The following OCSTAMP variants were observed in gnomAD, a reference collection of about 807,000 sequenced individuals.
OCSTAMP encodes the protein transmembrane protein C20orf123.
OCSTAMP carries 17 observed loss-of-function variants against 25.2 expected under a neutral mutation model. The ratio of observed to expected loss-of-function variants is 0.68; its 90% confidence interval spans 0.46 to 1.01. The LOEUF (loss-of-function observed/expected upper bound fraction) is 1.01. OCSTAMP is among the 50% of genes least tolerant of loss of function. OCSTAMP has a pLI of 0.00. For synonymous variants in OCSTAMP, 345 were observed against 318.9 expected, an observed-to-expected ratio of 1.08 and a Z score of -0.87; for missense variants, 664 against 694.6, an observed-to-expected ratio of 0.96 and a Z score of 0.50.
chr20:46,545,969 C>G lies in OCSTAMP; in HGVS notation c.405G>C (p.Val135=). 6.4e-7 allele frequency: 1 copy of G among 1,551,432 alleles called. No homozygotes were observed. The highest frequency in any genetic ancestry group is 8.7e-7 in the Non-Finnish European group (1 of 1,146,994). The change falls in exon 2 of 3, where the codon GTG becomes GTC. Residue 135 remains valine, a synonymous_variant. Coordinates refer to ENST00000279028, the MANE Select transcript of OCSTAMP (RefSeq NM_080721.3). ...CACCCACGTTGGCCAGGACGTTGGG[C>G]ACCACAGCAATGGCCAGGGTGGCAG... The part of the protein sequence containing the change: ...YSTATLAIAV[V]PNVLANVGAA...
At position 46,542,921 on chromosome 20, in the gene OCSTAMP, A is replaced by G. The variant is rs74820791; in HGVS notation, c.1048-994T>C. Among the ~76,000 whole-genome samples the G allele has an allele frequency of 8.4e-3, 1,287 of 152,318 alleles. 8 individuals carry two copies. Among genetic ancestry groups the G allele is most frequent in the Middle Eastern group, 0.024 (7 of 294 alleles). ...AGCAATGAGTGGGCCTGTACAATTTATGCTTTCCCAGAGGATCAGAGAGTG... is the reference window on the plus strand; with the variant it reads ...AGCAATGAGTGGGCCTGTACAATTTGTGCTTTCCCAGAGGATCAGAGAGTG... On this transcript the variant is annotated intron_variant, in intron 2 of 2. Coordinates refer to ENST00000279028, the MANE Select transcript of OCSTAMP (RefSeq NM_080721.3).
chr20:46,542,068 A>G, intron 2 of OCSTAMP, 141 bp from the exon 3 acceptor site: 6 of 1,225,788 alleles, frequency 4.9e-6, no homozygotes, highest in Non-Finnish European at 6.3e-6. Context: ...TTTGAGGAGG[A>G]CCCAATGAGA....
At chr20:46,546,772 C>T (rs541827674) in intron 1 of OCSTAMP, among the ~76,000 whole-genome samples, 3 of 152,110 alleles carry the variant, frequency 2.0e-5, no homozygotes, top group Admixed American at 6.5e-5. Flanking sequence ...TGATTCTGGA[C>T]CTTCTATTCT....
At chr20:46,543,305 C>CTTTCTTTCTTTCTTTCTTT (rs1555872068) in intron 2 of OCSTAMP, among the ~76,000 whole-genome samples, 1 of 128,376 alleles carries the variant, frequency 7.8e-6, no homozygotes. Context: ...CTTTCTCTTT[C>CTTTCTTTCTTTCTTTCTTT]CTTTCTTTCT....
intron 2 of OCSTAMP, 62 bp from the exon 3 acceptor site, chr20:46,541,989 G>C: frequency 7.2e-7 from 1 of 1,384,108 alleles, no homozygotes; most frequent in South Asian, 1.9e-5. Flanking sequence ...CCCACCTCTA[G>C]GAGAGGCTTG....
chr20:46,546,773 C>G (rs1000356828), intron 1 of OCSTAMP, among the ~76,000 whole-genome samples: 2 of 152,076 alleles, frequency 1.3e-5, no homozygotes, highest in African/African-American at 2.4e-5. Flanking sequence ...GATTCTGGAC[C>G]TTCTATTCTT....
Position 46,549,808 on chromosome 20 carries a change from C to CTGTGTGTGTG in OCSTAMP, c.44+699_44+708dup, listed in dbSNP as rs3971980. On this transcript the variant is annotated intron_variant, in intron 1 of 2. Transcript: ENST00000279028. ...CAAATGTGCCTTATTGTGGCCCACT[C>CTGTGTGTGTG]TGTGTGTGTGTGTGTGTGTGTAAGC... Among the ~76,000 whole-genome samples, 649 of 149,260 alleles carry CTGTGTGTGTG rather than the reference C, an allele frequency of 4.3e-3. 19 individuals carry two copies. In the East Asian group the frequency reaches 0.068, roughly 16 times the overall value.
intron 2 of OCSTAMP, among the ~76,000 whole-genome samples, chr20:46,543,659 C>T (rs186609127): frequency 3.9e-5 from 6 of 151,936 alleles, no homozygotes; most frequent in East Asian, 1.9e-4. Flanking sequence ...TTTATGTATA[C>T]GCGAGAAAGA....
At position 46,541,633 on chromosome 20, in the gene OCSTAMP, G is replaced by A. The variant is rs962769062; in HGVS notation, c.1342C>T (p.Arg448Trp). Residue 448 changes from arginine (R) to tryptophan (W), a missense_variant, in exon 3 of 3, where the codon CGG becomes TGG. Physicochemically the swap from Arg to Trp is moderately radical, Grantham distance 101 (BLOSUM62 -3). Coordinates refer to ENST00000279028, the MANE Select transcript of OCSTAMP (RefSeq NM_080721.3). ...TGCCTGTCGTGTCTTCGCTGGAGCC[G>A]GGCGTGCAGGTGGCGGACCCTCCTC... is the stretch of plus-strand genomic sequence containing the variant. ...EARRVRHLHARLQRRHDRHQG... is the reference protein window; with the variant it reads ...EARRVRHLHAWLQRRHDRHQG... 56 of 1,551,162 alleles carry A rather than the reference G, an allele frequency of 3.6e-5. No homozygotes were observed. In the African/African-American group the frequency reaches 7.1e-4, roughly 20 times the overall value.
chr20:46,547,562 T>A (rs891956782), intron 1 of OCSTAMP, among the ~76,000 whole-genome samples: 1 of 151,476 alleles, frequency 6.6e-6, no homozygotes, highest in African/African-American at 2.4e-5. Flanking sequence ...GAGAAAGGAG[T>A]GATCAAGTAC....
chr20:46,545,278 C>A, intron 2 of OCSTAMP, 49 bp downstream of exon 2: 1 of 1,424,436 alleles, frequency 7.0e-7, no homozygotes, highest in Non-Finnish European at 9.2e-7. Flanking sequence ...GATTCTCCCC[C>A]TGCCCTCAAA....
At chr20:46,547,429 G>A (rs2061856574) in intron 1 of OCSTAMP, among the ~76,000 whole-genome samples, 1 of 152,172 alleles carries the variant, frequency 6.6e-6, no homozygotes, top group African/African-American at 2.4e-5. Flanking sequence ...GGGGAGGAAA[G>A]ACATCCAAGG....
chr20:46,550,627 G>T lies in OCSTAMP; in HGVS notation c.-67C>A. On this transcript the variant is annotated 5_prime_UTR_variant, in exon 1 of 3. Transcript: ENST00000279028. ...AGCTGTGGCAGGTGGAGAGGAAGTG[G>T]GGGAATCGCTGGGACTTGGGAATCC... 1 of 1,451,454 alleles carries T rather than the reference G, an allele frequency of 6.9e-7. No homozygotes were observed. The highest frequency in any genetic ancestry group is 1.2e-5 in the South Asian group (1 of 82,002). 89.9% of individuals were successfully genotyped at this position (1,451,454 alleles called of 1,614,324 possible). A position where few individuals can be genotyped will look rare whatever the true frequency, so the allele number is the denominator to read the frequency against.
chr20:46,541,203 C>T lies in OCSTAMP; in HGVS notation c.*71G>A. On this transcript the variant is annotated 3_prime_UTR_variant, in exon 3 of 3. Coordinates refer to ENST00000279028, the MANE Select transcript of OCSTAMP (RefSeq NM_080721.3). ...GGTGCAGATGAGATGAGCCTGATCG[C>T]CAACCAGCCTGGAGGAACCATGAGC... The T allele has an allele frequency of 1.5e-6, 1 of 670,950 alleles. No individual in the cohort carries two copies. The highest frequency in any genetic ancestry group is 2.8e-6 in the Non-Finnish European group (1 of 358,728). 41.6% of individuals were successfully genotyped at this position (670,950 alleles called of 1,614,324 possible). A position where few individuals can be genotyped will look rare whatever the true frequency, so the allele number is the denominator to read the frequency against.
At chr20:46,547,618 C>T in intron 1 of OCSTAMP, among the ~76,000 whole-genome samples, 1 of 152,166 alleles carries the variant, frequency 6.6e-6, no homozygotes, top group East Asian at 1.9e-4. Flanking sequence ...CTGAGCAATG[C>T]CTATTAGCCG....
intron 2 of OCSTAMP, among the ~76,000 whole-genome samples, chr20:46,542,182 A>G (rs1008333573): frequency 2.0e-5 from 3 of 152,216 alleles, no homozygotes; most frequent in South Asian, 2.1e-4. Flanking sequence ...CAAATTGTCT[A>G]TGGATGTTTG....
rs760699555 is a variant in OCSTAMP, at chr20:46,541,478, T to G, written c.1497A>C (p.Lys499Asn). 3 of 1,551,132 alleles carry G rather than the reference T, an allele frequency of 1.9e-6. No individual in the cohort carries two copies. The highest frequency in any genetic ancestry group is 2.6e-6 in the Non-Finnish European group (3 of 1,146,546). The part of the protein sequence containing the change: ...LRTESSEGEG[K>N]ELWSCRDLSC... Reference sequence around the variant, plus strand: ...TCAGGTCTCTGCAACTCCAAAGCTCTTTCCCTTCTCCCTCACTGCTCTCGG... The same window carrying G: ...TCAGGTCTCTGCAACTCCAAAGCTCGTTCCCTTCTCCCTCACTGCTCTCGG... Residue 499 changes from lysine (K) to asparagine (N), a missense_variant, in exon 3 of 3, where the codon AAA (lysine) becomes AAC (asparagine). Transcript: ENST00000279028.
chr20:46,550,561 G>A lies in OCSTAMP; in HGVS notation c.-1C>T, dbSNP rs1278348813. On this transcript the variant is annotated 5_prime_UTR_variant, in exon 1 of 3. Coordinates refer to ENST00000279028, the MANE Select transcript of OCSTAMP (RefSeq NM_080721.3). ...CAGCTGCTCCTGGGTGGCCTGGCAT[G>A]CTGTCCAAATGGCAGTGGTTTCAGG... The A allele has an allele frequency of 6.4e-7, 1 of 1,551,702 alleles. No homozygotes were observed. The highest frequency in any genetic ancestry group is 2.0e-5 in the Admixed American group (1 of 51,006).
In OCSTAMP at chr20:46,546,055, C is replaced by T. The variant is rs1445565345; in HGVS notation, c.319G>A (p.Ala107Thr). 1 of 1,551,588 alleles carries T rather than the reference C, an allele frequency of 6.4e-7. No homozygotes were observed. Among genetic ancestry groups the T allele is most frequent in the Non-Finnish European group, 8.7e-7 (1 of 1,147,012 alleles). Reference protein sequence around the residue: ...GLVPPVRCLFALSVPTLGMEQ... With the variant: ...GLVPPVRCLFTLSVPTLGMEQ... ...ATACCCAGGGTGGGCACGCTGAGTGCAAACAGGCAGCGGACTGGGGGTACC... is the reference window on the plus strand; with the variant it reads ...ATACCCAGGGTGGGCACGCTGAGTGTAAACAGGCAGCGGACTGGGGGTACC... Residue 107 changes from alanine to threonine, a missense_variant, in exon 2 of 3, where the codon GCA becomes ACA. Ala to Thr is a moderately conservative substitution (Grantham distance 58). Transcript: ENST00000279028.
Sources: gnomAD v4.1 joint callset for allele counts (sites outside exome capture counted in the v4.1 genomes callset) on GRCh38, gnomAD v4.1.1 for gene constraint, MANE v1.5 for transcripts, NCBI Gene and HGNC (gene_info 2026-07-23, HGNC 2026-07-21) for gene names.